TNNT1: variants seen among roughly 807,000 people sequenced by gnomAD.
The protein encoded by TNNT1 is troponin T, slow skeletal muscle.
Under a neutral mutation model 50.6 loss-of-function variants are expected in TNNT1, and 53 were observed. That is an observed-to-expected ratio of 1.05 (90% CI 0.84 to 1.32). The LOEUF is 1.32. Among genes scored for constraint, TNNT1 ranks in the 40% most tolerant of loss-of-function variants. The pLI is 0.00. For synonymous variants in TNNT1, 142 were observed against 138.0 expected, an observed-to-expected ratio of 1.03 and a Z score of -0.20; for missense variants, 348 against 381.7, an observed-to-expected ratio of 0.91 and a Z score of 0.74.
Position 55,141,984 on chromosome 19 carries a change from G to C in TNNT1, c.129-64C>G, listed in dbSNP as rs530241256. On this transcript the variant is annotated intron_variant, in intron 6 of 13. Transcript: ENST00000588981. ...CCTCCCTGAGCCACCTCCCACCTCC[G>C]GGATGTGCCGTCCAGTGAGGTAGCC... The C allele has an allele frequency of 7.9e-5, 123 of 1,552,210 alleles. No homozygotes were observed. The African/African-American group carries it at 1.6e-3, about 20-fold the overall frequency.
intron 13 of TNNT1, 134 bp downstream of exon 13, chr19:55,133,753 A>G: frequency 1.0e-6 from 1 of 987,060 alleles, no homozygotes; most frequent in Non-Finnish European, 1.6e-6. Flanking sequence ...AGAGGAGGAC[A>G]GAGAAGGAAG....
At chr19:55,133,823 A>G (rs1285169976) in intron 13 of TNNT1, 64 bp downstream of exon 13, 3 of 1,595,956 alleles carry the variant, frequency 1.9e-6, no homozygotes, top group Middle Eastern at 1.7e-4. Flanking sequence ...GAGGGAGGGA[A>G]AGAGGCCTGA....
chr19:55,146,750 GA>G, intron 3 of TNNT1, 43 bp from the exon 4 acceptor site: 1 of 1,447,886 alleles, frequency 6.9e-7, no homozygotes, highest in Non-Finnish European at 9.2e-7. Flanking sequence ...GGAGCTGGGG[GA>G]GGGATGGGGG....
chr19:55,140,995 C>G, intron 8 of TNNT1, 35 bp from the exon 9 acceptor site: 1 of 1,603,022 alleles, frequency 6.2e-7, no homozygotes. Context: ...GGTGCAGGGA[C>G]GTACCCCCAG....
At chr19:55,139,290 G>A (rs1172802781) in intron 9 of TNNT1, among the ~76,000 whole-genome samples, 12 of 152,136 alleles carry the variant, frequency 7.9e-5, no homozygotes, top group African/African-American at 7.2e-5. Context: ...GTCAGCCATC[G>A]CGCCTAAACT....
At chr19:55,141,344 G>T in intron 7 of TNNT1, 42 bp from the exon 8 acceptor site, 1 of 1,499,188 alleles carries the variant, frequency 6.7e-7, no homozygotes, top group East Asian at 2.3e-5. Context: ...GACCCTGGAG[G>T]GGGCAGCAGC....
At chr19:55,141,985 G>A in intron 6 of TNNT1, 65 bp from the exon 7 acceptor site, 1 of 1,552,992 alleles carries the variant, frequency 6.4e-7, no homozygotes, top group South Asian at 1.1e-5. Flanking sequence ...CCCACCTCCG[G>A]GATGTGCCGT....
At chr19:55,148,798 C>T (rs2085627395) in intron 1 of TNNT1, among the ~76,000 whole-genome samples, 1 of 151,966 alleles carries the variant, frequency 6.6e-6, no homozygotes, top group Non-Finnish European at 1.5e-5. Context: ...TTCCTGATAC[C>T]CTCAGAGTCT....
chr19:55,148,522 C>G (rs987117175), intron 1 of TNNT1, among the ~76,000 whole-genome samples: 6 of 151,818 alleles, frequency 4.0e-5, no homozygotes, highest in Admixed American at 1.3e-4. Flanking sequence ...GCCAGCAAGT[C>G]CTCACAGCTC....
Position 55,146,676 on chromosome 19 carries a change from C to G in TNNT1, c.73+5G>C. The G allele has an allele frequency of 6.7e-7, 1 of 1,498,428 alleles. No homozygotes were observed. Among genetic ancestry groups the G allele is most frequent in the Non-Finnish European group, 8.9e-7 (1 of 1,120,116 alleles). The allele number at this position is 1,498,428 out of a possible 1,614,324, so 92.8% of individuals were successfully genotyped here. On this transcript the variant is annotated splice_donor_5th_base_variant and intron_variant, in intron 4 of 13. Transcript: ENST00000588981. ...GCTCCAGACCTGCGGAGTCCGGGAC[C>G]TCACCTTCCTCCTCCTCCTCCGCAG...
Position 55,140,938 on chromosome 19 carries a change from GCTCT to G in TNNT1, c.328_331del (p.Arg110ProfsTer23). 6.2e-7 allele frequency: 1 copy of G among 1,613,834 alleles called. No individual in the cohort carries two copies. The highest frequency in any genetic ancestry group is 2.2e-5 in the East Asian group (1 of 44,876). On this transcript the variant is annotated frameshift_variant, in exon 9 of 14. Transcript: ENST00000588981. LOFTEE classifies it high-confidence loss of function. ...CTCAGTTCTGAAGCGCTGTTGCTCGGCTCTCTCTGACCGGCGCCGCTCCTGGGAA... is the reference window on the plus strand; with the variant it reads ...CTCAGTTCTGAAGCGCTGTTGCTCGGCTCTGACCGGCGCCGCTCCTGGGAA...
At chr19:55,146,973 C>A in intron 3 of TNNT1, 35 bp downstream of exon 3, 1 of 1,584,132 alleles carries the variant, frequency 6.3e-7, no homozygotes, top group Non-Finnish European at 8.6e-7. Context: ...CTGGGCGTGT[C>A]CCCATCCCAT....
In TNNT1 at chr19:55,146,690, C is replaced by A; in HGVS notation, c.64G>T (p.Glu22Ter). 1 of 1,499,092 alleles carries A rather than the reference C, an allele frequency of 6.7e-7. No individual in the cohort carries two copies. 92.9% of individuals were successfully genotyped at this position (1,499,092 alleles called of 1,614,324 possible). Residue 22 changes from glutamate to a stop codon, truncating the protein, a stop_gained, in exon 4 of 14, where the codon GAG (glutamate) becomes TAG (stop). Coordinates refer to ENST00000588981, the MANE Select transcript of TNNT1 (RefSeq NM_003283.6). LOFTEE classifies it high-confidence loss of function. ...EQPEEEAAEEEEEAPEEPEPV... is the reference protein window; with the variant it reads ...EQPEEEAAEE ...GAGTCCGGGACCTCACCTTCCTCCT[C>A]CTCCTCCGCAGCCTCCTCTGGAGAT...
At chr19:55,141,781 G>C (rs2085460577) in intron 7 of TNNT1, 76 bp downstream of exon 7, 27 of 1,560,860 alleles carry the variant, frequency 1.7e-5, no homozygotes, top group Non-Finnish European at 2.3e-5. Context: ...CGCCCGGCCG[G>C]CGCCTTTTCA....
At position 55,140,876 on chromosome 19, in the gene TNNT1, C is replaced by A. The variant is rs772264753; in HGVS notation, c.387+7G>T. On this transcript the variant is annotated splice_region_variant and intron_variant, in intron 9 of 13. Coordinates refer to ENST00000588981, the MANE Select transcript of TNNT1 (RefSeq NM_003283.6). ...ATTTGGGCTCTCAGGGCAGGGGAGG[C>A]ACCCACCGCCAGCTTAGCCTGACGT... 6.2e-7 allele frequency: 1 copy of A among 1,612,994 alleles called. No individual in the cohort carries two copies. The highest frequency in any genetic ancestry group is 1.1e-5 in the South Asian group (1 of 91,014).
At chr19:55,141,547 G>A (rs1383891455) in intron 7 of TNNT1, among the ~76,000 whole-genome samples, 4 of 150,626 alleles carry the variant, frequency 2.7e-5, no homozygotes, top group African/African-American at 4.9e-5. Context: ...GAAATGGCGC[G>A]ATCTCGGCTC....
In TNNT1 at chr19:55,132,862, G is replaced by T; in HGVS notation, c.*53C>A. ...AGGGGAGCGTTTATTTCAAGCTACC[G>T]ATGGGACAAACACTCCCAGGCTTCC... On this transcript the variant is annotated 3_prime_UTR_variant, in exon 14 of 14. Transcript: ENST00000588981. The T allele has an allele frequency of 2.6e-6, 4 of 1,549,030 alleles. No individual in the cohort carries two copies. Among genetic ancestry groups the T allele is most frequent in the Non-Finnish European group, 3.5e-6 (4 of 1,137,548 alleles).
intron 7 of TNNT1, among the ~76,000 whole-genome samples, chr19:55,141,560 C>T (rs1301466620): frequency 6.6e-6 from 1 of 151,330 alleles, no homozygotes; most frequent in African/African-American, 2.4e-5. Context: ...CTCGGCTCAC[C>T]GCCACCTCCG....
intron 1 of TNNT1, 40 bp downstream of exon 1, chr19:55,149,121 A>C (rs1410798233): frequency 4.4e-6 from 2 of 455,714 alleles, no homozygotes; most frequent in Non-Finnish European, 8.8e-6. Context: ...CCCCAAGGAC[A>C]TGGTTTTTGA....
Sources: allele counts gnomAD v4.1 joint callset (sites outside exome capture counted in the v4.1 genomes callset), GRCh38; gene constraint gnomAD v4.1.1; transcripts MANE v1.5; gene names NCBI Gene and HGNC (gene_info 2026-07-23, HGNC 2026-07-21).